Variants in ZMYM1 observed in about 807,000 individuals in gnomAD.
The protein encoded by ZMYM1 is zinc finger MYM-type protein 1.
Under a neutral mutation model 60.0 loss-of-function variants are expected in ZMYM1, and 39 were observed. The ratio of observed to expected loss-of-function variants is 0.65; its 90% confidence interval spans 0.50 to 0.85. ZMYM1 has a LOEUF of 0.85. Among genes scored for constraint, ZMYM1 ranks in the 40% least tolerant of loss-of-function variants. ZMYM1 has a pLI of 0.00. For missense variants in ZMYM1, 1,171 were observed against 1,309.5 expected, an observed-to-expected ratio of 0.89 and a Z score of 1.63; for synonymous variants, 413 against 454.0, an observed-to-expected ratio of 0.91 and a Z score of 1.15.
At position 35,091,887 on chromosome 1, in the gene ZMYM1, C is replaced by CAAAA. The variant is rs779081046; in HGVS notation, c.-74-2008_-74-2005dup. ...TGAGTGACAGAGCGAGATCTTGTCT[C>CAAAA]AAAAAAAAAAAAAAAAAAAAAAGAG... On this transcript the variant is annotated intron_variant, in intron 1 of 9. Coordinates refer to ENST00000359858, the MANE Select transcript of ZMYM1 (RefSeq NM_024772.5). Among the ~76,000 whole-genome samples the CAAAA allele has an allele frequency of 2.7e-3, 232 of 84,434 alleles. 5 individuals are homozygous for CAAAA. Among genetic ancestry groups the CAAAA allele is most frequent in the African/African-American group, 0.01 (206 of 20,210 alleles). 55.4% of individuals were successfully genotyped at this position (84,434 alleles called of 152,430 possible).
At chr1:35,106,335 G>A (rs1168898841) in intron 6 of ZMYM1, among the ~76,000 whole-genome samples, 2 of 152,054 alleles carry the variant, frequency 1.3e-5, no homozygotes, top group African/African-American at 4.8e-5. Context: ...TTGGCCGGGT[G>A]CAGTGGCTGA....
At chr1:35,109,595 C>T (rs1276081040) in intron 6 of ZMYM1, among the ~76,000 whole-genome samples, 2 of 152,152 alleles carry the variant, frequency 1.3e-5, no homozygotes, top group African/African-American at 2.4e-5. Context: ...GTTAAGCACT[C>T]CTTCCTGGCT....
At chr1:35,109,499 T>A (rs1644013003) in intron 6 of ZMYM1, among the ~76,000 whole-genome samples, 1 of 152,198 alleles carries the variant, frequency 6.6e-6, no homozygotes. Flanking sequence ...GCTTGTATGC[T>A]GCTTTCTTAC....
intron 4 of ZMYM1, 58 bp from the exon 5 acceptor site, chr1:35,104,235 TAA>T (rs1449538138): frequency 1.2e-5 from 16 of 1,384,904 alleles, no homozygotes; most frequent in African/African-American, 2.9e-5. Flanking sequence ...ATTTCATTTA[TAA>T]AGAGAAGTTA....
At chr1:35,088,815 T>TG (rs1642826087) in intron 1 of ZMYM1, among the ~76,000 whole-genome samples, 2 of 145,552 alleles carry the variant, frequency 1.4e-5, no homozygotes, top group Non-Finnish European at 3.0e-5. Context: ...CTTTTTTTTT[T>TG]TTTTTTTTGT....
At chr1:35,110,471 G>A (rs976424981) in intron 7 of ZMYM1, 24 bp downstream of exon 7, 3 of 1,415,564 alleles carry the variant, frequency 2.1e-6, no homozygotes, top group Non-Finnish European at 2.8e-6. Context: ...AGCAATTGTA[G>A]GGGTTTAGTA....
intron 1 of ZMYM1, among the ~76,000 whole-genome samples, chr1:35,089,446 A>G (rs536754565): frequency 5.9e-5 from 9 of 152,280 alleles, no homozygotes; most frequent in African/African-American, 1.9e-4. Context: ...CTCAGGCCTT[A>G]TTTAACTTTC....
At chr1:35,088,454 A>ATATATGTGTGTGTGTGTGTGTG in intron 1 of ZMYM1, among the ~76,000 whole-genome samples, 1 of 107,284 alleles carries the variant, frequency 9.3e-6, no homozygotes, top group Admixed American at 1.0e-4. Flanking sequence ...ATATATATAT[A>ATATATGTGTGTGTGTGTGTGTG]TGTGTGTGTG....
Position 35,104,294 on chromosome 1 carries a change from G to A in ZMYM1, c.420-1G>A. Reference sequence around the variant, plus strand: ...ATGATGTCCTTGTTATTTATTCTTAGAGACATTTTAAATCCAAAGGATGTG... The same window carrying A: ...ATGATGTCCTTGTTATTTATTCTTAAAGACATTTTAAATCCAAAGGATGTG... On this transcript the variant is annotated splice_acceptor_variant, in intron 4 of 9. Transcript: ENST00000359858. LOFTEE classifies it high-confidence loss of function. 1 of 1,569,490 alleles carries A rather than the reference G, an allele frequency of 6.4e-7. No individual in the cohort carries two copies. Among genetic ancestry groups the A allele is most frequent in the Non-Finnish European group, 8.6e-7 (1 of 1,162,094 alleles).
chr1:35,113,001 C>T lies in ZMYM1; in HGVS notation c.1171C>T (p.Pro391Ser). The T allele has an allele frequency of 6.4e-7, 1 of 1,572,880 alleles. No homozygotes were observed. The highest frequency in any genetic ancestry group is 8.6e-7 in the Non-Finnish European group (1 of 1,162,510). The change falls in exon 10 of 10, where the codon CCC becomes TCC. Residue 391 changes from proline (P) to serine (S), a missense_variant. Coordinates refer to ENST00000359858, the MANE Select transcript of ZMYM1 (RefSeq NM_024772.5). The stretch of plus-strand genomic sequence containing the variant: ...GCTTTCTAAGAGTTCACCTAGTGAA[C>T]CCAGTAATGCTGTTGCTAGTAGTAG... Reference protein sequence around the residue: ...VDLSKSSPSEPSNAVASSSTE... With the variant: ...VDLSKSSPSESSNAVASSSTE...
At chr1:35,063,664 A>C (rs930667436) in intron 1 of ZMYM1, among the ~76,000 whole-genome samples, 8 of 152,276 alleles carry the variant, frequency 5.3e-5, no homozygotes, top group African/African-American at 1.7e-4. Context: ...ACAACAACAA[A>C]AAAATGTAGT....
intron 6 of ZMYM1, among the ~76,000 whole-genome samples, chr1:35,107,371 A>T (rs1424388244): frequency 6.6e-6 from 1 of 150,584 alleles, no homozygotes; most frequent in East Asian, 2.0e-4. Flanking sequence ...CTGGAGGCTG[A>T]GGCAGGAGAA....
chr1:35,074,656 C>T (rs1219197005), upstream of ZMYM1, among the ~76,000 whole-genome samples: 1 of 152,130 alleles, frequency 6.6e-6, no homozygotes, highest in East Asian at 1.9e-4. Context: ...ATCCACCCGC[C>T]TCAGCCTCCC....
intron 4 of ZMYM1, among the ~76,000 whole-genome samples, chr1:35,102,062 A>T (rs531539185): frequency 1.3e-5 from 2 of 152,322 alleles, no homozygotes; most frequent in Non-Finnish European, 2.9e-5. Flanking sequence ...CTTTACATCT[A>T]GCTGGATTTT....
In ZMYM1 at chr1:35,114,885, CTT is replaced by C. The variant is rs1193818100; in HGVS notation, c.3056_3057del (p.Leu1019ArgfsTer2). On this transcript the variant is annotated frameshift_variant, in exon 10 of 10. Coordinates refer to ENST00000359858, the MANE Select transcript of ZMYM1 (RefSeq NM_024772.5). LOFTEE classifies it low-confidence loss of function (END_TRUNC). Reference sequence around the variant, plus strand: ...AAAACATGTTCAGGAATTTTATAAACTTGATGAGGACATTATCCCAGAACTTA... The same window carrying C: ...AAAACATGTTCAGGAATTTTATAAACGATGAGGACATTATCCCAGAACTTA... ...TAKHVQEFYK[L>X]DEDIIPELRF... The C allele has an allele frequency of 3.1e-6, 5 of 1,608,098 alleles. No homozygotes were observed. The highest frequency in any genetic ancestry group is 4.3e-6 in the Non-Finnish European group (5 of 1,176,212).
intron 1 of ZMYM1, among the ~76,000 whole-genome samples, chr1:35,089,632 T>C (rs1033187744): frequency 1.1e-3 from 3 of 2,790 alleles, no homozygotes; most frequent in Non-Finnish European, 8.5e-3. Flanking sequence ...TTTTTGTTAT[T>C]TTTTTCTTTT....
chr1:35,117,452 TG>T (rs1189906553), downstream of ZMYM1, among the ~76,000 whole-genome samples: 1 of 151,966 alleles, frequency 6.6e-6, no homozygotes, highest in Non-Finnish European at 1.5e-5. Context: ...CCCAAGTATA[TG>T]GGATTACAGG....
intron 9 of ZMYM1, 69 bp from the exon 10 acceptor site, chr1:35,112,908 T>C: frequency 7.5e-7 from 1 of 1,335,838 alleles, no homozygotes; most frequent in Middle Eastern, 2.0e-4. Context: ...GTTATTAGAG[T>C]AGATATATTT....
intron 1 of ZMYM1, among the ~76,000 whole-genome samples, chr1:35,061,455 G>T (rs1254612994): frequency 6.6e-6 from 1 of 152,134 alleles, no homozygotes; most frequent in East Asian, 1.9e-4. Flanking sequence ...GATAGATATA[G>T]ATAGATAGAT....
Sources: gnomAD v4.1 joint callset for allele counts (sites outside exome capture counted in the v4.1 genomes callset) on GRCh38, gnomAD v4.1.1 for gene constraint, MANE v1.5 for transcripts, NCBI Gene and HGNC (gene_info 2026-07-23, HGNC 2026-07-21) for gene names.